Variants in KNDC1 observed in about 807,000 individuals in gnomAD.
KNDC1 encodes the protein kinase non-catalytic C-lobe domain containing 1.
A neutral mutation model predicts 172.8 loss-of-function variants in KNDC1; 106 were observed. The ratio of observed to expected loss-of-function variants is 0.61; its 90% CI spans 0.52 to 0.72. KNDC1 has a LOEUF of 0.72. Among genes scored for constraint, KNDC1 ranks in the 30% least tolerant of loss-of-function variants. KNDC1 has a pLI of 0.00. For synonymous variants in KNDC1, 1,083 were observed against 1,062.2 expected (o/e 1.02, Z -0.38); for missense variants, 2,325 against 2,394.5 (o/e 0.97, Z 0.61).
chr10:133,187,824 T>C (rs1252750158), intron 6 of KNDC1, among the ~76,000 whole-genome samples: 1 of 152,096 alleles, frequency 6.6e-6, no homozygotes, highest in Non-Finnish European at 1.5e-5. Context: ...CTCAGCGGCA[T>C]TGGGTGTGTT....
rs553119772 is a variant in KNDC1, at chr10:133,178,140, CTA to C, written c.361-5202_361-5201del. ...TGTGGTGTGTGTGCATGCATGTAGTCTATGTGTCACGGGCACACGAGTGTATC... is the reference window on the plus strand; with the variant it reads ...TGTGGTGTGTGTGCATGCATGTAGTCTGTGTCACGGGCACACGAGTGTATC... On this transcript the variant is annotated intron_variant, in intron 3 of 29. Coordinates refer to ENST00000304613, the MANE Select transcript of KNDC1 (RefSeq NM_152643.8). Among the ~76,000 whole-genome samples, 71 of 147,140 alleles carry C rather than the reference CTA, an allele frequency of 4.8e-4. 1 individual carries two copies. In the South Asian group the frequency reaches 6.9e-3, roughly 14 times the overall value.
In KNDC1 at chr10:133,188,661, A is replaced by G; in HGVS notation, c.1441+8A>G. The G allele has an allele frequency of 6.5e-7, 1 of 1,539,032 alleles. No homozygotes were observed. The highest frequency in any genetic ancestry group is 8.8e-7 in the Non-Finnish European group (1 of 1,139,002). ...CACGCCCTGAGCACCCAGGTGACGC[A>G]CGCACCATCCCATCCCCCCCGCCGT... On this transcript the variant is annotated splice_region_variant and intron_variant, in intron 7 of 29. Transcript: ENST00000304613.
chr10:133,216,534 C>T (rs1845471394), intron 26 of KNDC1, among the ~76,000 whole-genome samples: 1 of 151,968 alleles, frequency 6.6e-6, no homozygotes, highest in African/African-American at 2.4e-5. Flanking sequence ...AAAAATTGTC[C>T]AGGCTGGTGG....
rs1224601002 is a variant in KNDC1, at chr10:133,224,775, CCGA to C, written c.5137_5139del (p.Asp1713del). Reference sequence around the variant, plus strand: ...CAGAGGATTGCCCGCTTCAGCGGTGCCGACATTTCCACACTCGCCGCAGATAGC... The same window carrying C: ...CAGAGGATTGCCCGCTTCAGCGGTGCCATTTCCACACTCGCCGCAGATAGC... On this transcript the variant is annotated inframe_deletion, in exon 30 of 30. Transcript: ENST00000304613. This position sits in a 1 kb window ranked among gnomAD's most constrained non-coding sequence, Gnocchi z 5.4. 1.9e-6 allele frequency: 3 copies of C among 1,614,056 alleles called. No individual in the cohort carries two copies. The highest frequency in any genetic ancestry group is 1.3e-5 in the African/African-American group (1 of 75,046).
In KNDC1 at chr10:133,214,531, C is replaced by T. The variant is rs190058392; in HGVS notation, c.4677+409C>T. 5.8e-3 allele frequency among the ~76,000 whole-genome samples: 884 copies of T among 152,302 alleles called. 8 individuals carry two copies. The highest frequency in any genetic ancestry group is 0.02 in the African/African-American group (847 of 41,564). ...CCTGTGCTCACCACACACAGAGTCC[C>T]TCACGCACCACCCCCAGCACTGGGC... is the stretch of plus-strand genomic sequence containing the variant. On this transcript the variant is annotated intron_variant, in intron 26 of 29. Transcript: ENST00000304613.
intron 5 of KNDC1, among the ~76,000 whole-genome samples, chr10:133,185,622 C>T (rs893102027): frequency 2.2e-4 from 34 of 151,842 alleles, no homozygotes; most frequent in African/African-American, 7.3e-4. Flanking sequence ...GGGGACTCAC[C>T]TGTGTAATCC....
intron 15 of KNDC1, among the ~76,000 whole-genome samples, chr10:133,199,875 G>T (rs2135999074): frequency 6.6e-6 from 1 of 152,270 alleles, no homozygotes; most frequent in East Asian, 1.9e-4. Flanking sequence ...CTCTCCGGGA[G>T]GCTGCAGGGG....
At chr10:133,199,725 T>G in intron 15 of KNDC1, 123 bp downstream of exon 15, 1 of 1,137,312 alleles carries the variant, frequency 8.8e-7, no homozygotes, top group Non-Finnish European at 1.2e-6. Flanking sequence ...CGCTGCTGTC[T>G]CCAGAGGGGC....
At chr10:133,176,323 G>A (rs1488900382) in intron 3 of KNDC1, among the ~76,000 whole-genome samples, 1 of 152,062 alleles carries the variant, frequency 6.6e-6, no homozygotes, top group Non-Finnish European at 1.5e-5. Context: ...ATGGGTGGAC[G>A]GATGGGTTCC....
At position 133,209,916 on chromosome 10, in the gene KNDC1, G is replaced by C. The variant is rs562730041; in HGVS notation, c.3795-695G>C. ...CCAGGACAGTCCCAGACCTGCAGGCGGGGCCCTGGTCAGTGTCTCCTGAGG... is the reference window on the plus strand; with the variant it reads ...CCAGGACAGTCCCAGACCTGCAGGCCGGGCCCTGGTCAGTGTCTCCTGAGG... On this transcript the variant is annotated intron_variant, in intron 20 of 29. Transcript: ENST00000304613. This position sits in a 1 kb window ranked among gnomAD's most constrained non-coding sequence, Gnocchi z 4.9. 6.6e-6 allele frequency among the ~76,000 whole-genome samples: 1 copy of C among 152,092 alleles called. No homozygotes were observed. Among genetic ancestry groups the C allele is most frequent in the African/African-American group, 2.4e-5 (1 of 41,398 alleles).
intron 26 of KNDC1, among the ~76,000 whole-genome samples, chr10:133,218,177 A>T (rs1845506773): frequency 6.6e-6 from 1 of 152,192 alleles, no homozygotes; most frequent in African/African-American, 2.4e-5. Flanking sequence ...GGCAGCTACA[A>T]CAGGAGGGGT....
At position 133,198,624 on chromosome 10, in the gene KNDC1, CAGAG is replaced by C. The variant is rs1221625059; in HGVS notation, c.2117_2120del (p.Gln706ArgfsTer20). 2 of 1,603,632 alleles carry C rather than the reference CAGAG, an allele frequency of 1.2e-6. No homozygotes were observed. Among genetic ancestry groups the C allele is most frequent in the Non-Finnish European group, 1.7e-6 (2 of 1,175,272 alleles). On this transcript the variant is annotated frameshift_variant, in exon 14 of 30. Transcript: ENST00000304613. LOFTEE classifies it high-confidence loss of function. ...GGAGGAGTCCGAGGAGAGGGGCGGCCAGAGGGAGGGAGAAGGTGAGGAGAAGCTC... is the reference window on the plus strand; with the variant it reads ...GGAGGAGTCCGAGGAGAGGGGCGGCCGGAGGGAGAAGGTGAGGAGAAGCTC...
chr10:133,219,272 G>C (rs1393584315), intron 28 of KNDC1, among the ~76,000 whole-genome samples, 182 bp downstream of exon 28: 1 of 152,254 alleles, frequency 6.6e-6, no homozygotes, highest in Non-Finnish European at 1.5e-5. Context: ...TTGCCACCTG[G>C]GCAGAGGTGT....
Position 133,199,254 on chromosome 10 carries a change from G to C in KNDC1, c.2746G>C (p.Ala916Pro), listed in dbSNP as rs1163045665. 1.3e-6 allele frequency: 2 copies of C among 1,560,278 alleles called. No homozygotes were observed. Among genetic ancestry groups the C allele is most frequent in the African/African-American group, 2.7e-5 (2 of 73,932 alleles). The change falls in exon 14 of 30, where the codon GCT (alanine) becomes CCT (proline). Residue 916 changes from alanine (A) to proline (P), a missense_variant. Coordinates refer to ENST00000304613, the MANE Select transcript of KNDC1 (RefSeq NM_152643.8). ...TGGCTACCTGGACAATGGGCTGGAG[G>C]CTCTGATCATGGGTACGTGGGGGCC... is the stretch of plus-strand genomic sequence containing the variant. ...FDGYLDNGLE[A>P]LIMGEYIFAL...
In KNDC1 at chr10:133,194,514, T is replaced by C. The variant is rs953046826; in HGVS notation, c.1576-1149T>C. Reference sequence around the variant, plus strand: ...AGCTCTATTATTTATTAAAACTATGTACAATTATCACAAAATAAAAGGTTA... The same window carrying C: ...AGCTCTATTATTTATTAAAACTATGCACAATTATCACAAAATAAAAGGTTA... On this transcript the variant is annotated intron_variant, in intron 9 of 29. Coordinates refer to ENST00000304613, the MANE Select transcript of KNDC1 (RefSeq NM_152643.8). Among the ~76,000 whole-genome samples the C allele has an allele frequency of 2.0e-5, 3 of 152,248 alleles. No individual in the cohort carries two copies. The East Asian group carries it at 5.8e-4, about 29-fold the overall frequency.
chr10:133,169,536 G>A (rs1473531006), intron 3 of KNDC1, among the ~76,000 whole-genome samples: 1 of 152,256 alleles, frequency 6.6e-6, no homozygotes, highest in Non-Finnish European at 1.5e-5. Flanking sequence ...TGAGGCTGGA[G>A]CCCTTCACCC....
intron 17 of KNDC1, among the ~76,000 whole-genome samples, chr10:133,204,561 C>T (rs917138185): frequency 1.3e-5 from 2 of 152,234 alleles, no homozygotes; most frequent in African/African-American, 2.4e-5. Flanking sequence ...CCGCCACGGC[C>T]GCTGCTGAAC....
intron 23 of KNDC1, 98 bp from the exon 24 acceptor site, chr10:133,212,618 A>ACCTGGCCTGGT: frequency 1.0e-6 from 1 of 1,002,274 alleles, no homozygotes; most frequent in Non-Finnish European, 1.5e-6. Flanking sequence ...CTGGGCTTGC[A>ACCTGGCCTGGT]CCTGGCCTGG....
chr10:133,186,479 C>A lies in KNDC1; in HGVS notation c.1131C>A (p.Pro377=). 1 of 1,612,312 alleles carries A rather than the reference C, an allele frequency of 6.2e-7. No homozygotes were observed. ...CGGAACACCAGCTGGGACGGGTTCCCTGTGCAGGCCGCAGCACGGACAGGG... is the reference window on the plus strand; with the variant it reads ...CGGAACACCAGCTGGGACGGGTTCCATGTGCAGGCCGCAGCACGGACAGGG... ...QEPEHQLGRV[P]CAGRSTDRGP... is the part of the protein sequence containing the mutation. The change falls in exon 6 of 30, where the codon CCC becomes CCA. Residue 377 remains proline (P), a synonymous_variant. Coordinates refer to ENST00000304613, the MANE Select transcript of KNDC1 (RefSeq NM_152643.8).
Sources: allele counts gnomAD v4.1 joint callset (sites outside exome capture counted in the v4.1 genomes callset), GRCh38; gene constraint gnomAD v4.1.1; non-coding constraint Gnocchi (gnomAD v3.1); transcripts MANE v1.5; gene names NCBI Gene and HGNC (gene_info 2026-07-23, HGNC 2026-07-21).